Variants in CNTN1 observed in about 807,000 individuals in gnomAD.
CNTN1 encodes the protein contactin 1.
In CNTN1, 38 loss-of-function variants were observed where a neutral mutation model predicts 126.4. The ratio of observed to expected loss-of-function variants is 0.30; its 90% CI spans 0.23 to 0.39. The LOEUF is 0.39. CNTN1 is among the 10% of genes least tolerant of loss of function. The pLI is 1.00. For synonymous variants in CNTN1, 413 were observed against 422.6 expected (o/e 0.98, Z 0.28); for missense variants, 1,009 against 1,248.4 (o/e 0.81, Z 2.89).
rs1339321897 is a variant in CNTN1, at chr12:40,780,881, T to C, written c.-77+88289T>C. Among the ~76,000 whole-genome samples, 3 of 151,060 alleles carry C rather than the reference T, an allele frequency of 2.0e-5. No homozygotes were observed. The East Asian group carries it at 5.9e-4, about 30-fold the overall frequency. On this transcript the variant is annotated intron_variant, in intron 1 of 23. Transcript: ENST00000551295. ...GATGCTCATACCAAAGGGTAGAATT[T>C]TCATTTTTAAAGAATTTTGTGCAAA...
chr12:40,981,900 CGAGT>C (rs1488587301), intron 16 of CNTN1, among the ~76,000 whole-genome samples: 2 of 150,276 alleles, frequency 1.3e-5, no homozygotes, highest in Non-Finnish European at 3.0e-5. Context: ...AAATGAGACA[CGAGT>C]GTGTGAATAA....
At chr12:40,774,093 A>T (rs17128774) in intron 1 of CNTN1, among the ~76,000 whole-genome samples, 3 of 151,574 alleles carry the variant, frequency 2.0e-5, no homozygotes, top group Non-Finnish European at 4.4e-5. Flanking sequence ...GACCCTCATG[A>T]GCAAAAACAT....
intron 1 of CNTN1, among the ~76,000 whole-genome samples, chr12:40,719,752 T>G (rs1184435546): frequency 6.6e-6 from 1 of 152,244 alleles, no homozygotes; most frequent in Non-Finnish European, 1.5e-5. Context: ...ATTTACCATG[T>G]GTCAGTACCA....
At chr12:40,968,441 AG>A (rs1947382149) in intron 15 of CNTN1, among the ~76,000 whole-genome samples, 1 of 152,136 alleles carries the variant, frequency 6.6e-6, no homozygotes, top group Non-Finnish European at 1.5e-5. Flanking sequence ...TAATTACAAT[AG>A]CAAAACCAAT....
chr12:41,003,290 A>G (rs1361153707), intron 17 of CNTN1, among the ~76,000 whole-genome samples: 1 of 152,188 alleles, frequency 6.6e-6, no homozygotes, highest in African/African-American at 2.4e-5. Context: ...CCAGAGATAA[A>G]GTCTACTTGA....
At chr12:40,766,038 C>T (rs1354724570) in intron 1 of CNTN1, among the ~76,000 whole-genome samples, 9 of 152,122 alleles carry the variant, frequency 5.9e-5, no homozygotes, top group East Asian at 3.9e-4. Context: ...AAGTGCTTGA[C>T]GGTTTTCTTG....
At chr12:40,913,769 T>A (rs549869919) in intron 3 of CNTN1, among the ~76,000 whole-genome samples, 35 of 152,314 alleles carry the variant, frequency 2.3e-4, no homozygotes, top group African/African-American at 8.2e-4. Flanking sequence ...ATGGCGAAAG[T>A]GAGAATGAAA....
intron 17 of CNTN1, among the ~76,000 whole-genome samples, chr12:41,002,562 T>C (rs12311508): frequency 3.4e-5 from 5 of 146,942 alleles, no homozygotes; most frequent in East Asian, 3.9e-4. Context: ...TTCTTTCTTT[T>C]TTTTTTTTTT....
chr12:40,904,309 G>A (rs770210086), intron 1 of CNTN1, among the ~76,000 whole-genome samples: 5 of 151,764 alleles, frequency 3.3e-5, no homozygotes, highest in African/African-American at 4.8e-5. Context: ...GAGCCACCCC[G>A]CCCAGCCCTC....
intron 17 of CNTN1, among the ~76,000 whole-genome samples, chr12:40,996,806 CA>C (rs1265139611): frequency 2.0e-5 from 3 of 152,144 alleles, no homozygotes; most frequent in Admixed American, 1.3e-4. Flanking sequence ...GAATATGCAT[CA>C]AATTGGACAT....
At chr12:40,819,232 G>C (rs1941361699) in intron 1 of CNTN1, among the ~76,000 whole-genome samples, 1 of 152,076 alleles carries the variant, frequency 6.6e-6, no homozygotes, top group Admixed American at 6.6e-5. Context: ...TGTTTTGCTG[G>C]GGGGAAGCCC....
chr12:40,962,346 G>T (rs1282914446), intron 15 of CNTN1, among the ~76,000 whole-genome samples: 1 of 152,064 alleles, frequency 6.6e-6, no homozygotes, highest in Non-Finnish European at 1.5e-5. Flanking sequence ...ATTTCTATCA[G>T]AAAAGAAGTG....
intron 1 of CNTN1, among the ~76,000 whole-genome samples, chr12:40,844,974 A>G (rs1942445819): frequency 6.6e-6 from 1 of 152,212 alleles, no homozygotes; most frequent in African/African-American, 2.4e-5. Flanking sequence ...TGAAAGAAAA[A>G]GCACTCTTCT....
chr12:41,049,737 C>A (rs1949629570), intron 23 of CNTN1, among the ~76,000 whole-genome samples: 1 of 152,170 alleles, frequency 6.6e-6, no homozygotes, highest in Admixed American at 6.6e-5. Context: ...GAGAAGGGGA[C>A]TAGATCATAT....
chr12:41,054,494 G>A (rs2121053656), intron 23 of CNTN1, among the ~76,000 whole-genome samples: 1 of 152,044 alleles, frequency 6.6e-6, no homozygotes, highest in South Asian at 2.1e-4. Flanking sequence ...GAGAGAAATG[G>A]TAATTCTCTC....
chr12:40,711,926 T>C (rs1348510), intron 1 of CNTN1, among the ~76,000 whole-genome samples: 150,091 of 152,184 alleles, frequency 0.99, 74,035 homozygotes, highest in Middle Eastern at 1. Context: ...TGCTATGTTT[T>C]CCAAGCTGTT....
At chr12:41,061,780 T>G (rs1350456844) in intron 23 of CNTN1, 1 of 455,790 alleles carries the variant, frequency 2.2e-6, no homozygotes, top group Non-Finnish European at 4.4e-6. Flanking sequence ...TCCACATCCT[T>G]GAGAAGTAAA....
intron 23 of CNTN1, among the ~76,000 whole-genome samples, chr12:41,055,136 G>A (rs1371709810): frequency 1.3e-5 from 2 of 152,036 alleles, no homozygotes; most frequent in Non-Finnish European, 2.9e-5. Context: ...GAAGTTTTAA[G>A]GGAATTATTT....
intron 1 of CNTN1, among the ~76,000 whole-genome samples, chr12:40,714,013 C>A (rs1199904906): frequency 1.3e-5 from 2 of 151,944 alleles, no homozygotes; most frequent in Non-Finnish European, 2.9e-5. Context: ...CTGGAAAGAT[C>A]TTATTTTATT....
Sources: gnomAD v4.1 joint callset for allele counts (sites outside exome capture counted in the v4.1 genomes callset) on GRCh38, gnomAD v4.1.1 for gene constraint, MANE v1.5 for transcripts, NCBI Gene and HGNC (gene_info 2026-07-23, HGNC 2026-07-21) for gene names.